Variants in EYA4 observed in about 807,000 individuals in gnomAD.
EYA4 encodes the protein EYA transcriptional coactivator and phosphatase 4.
A neutral mutation model predicts 87.9 loss-of-function variants in EYA4; 31 were observed. That is an observed-to-expected ratio of 0.35 (90% CI 0.27 to 0.48). The LOEUF (loss-of-function observed/expected upper bound fraction) is 0.48. EYA4 is among the 20% of genes least tolerant of loss of function. The pLI, the probability that EYA4 is intolerant of heterozygous loss-of-function variation, is 0.99. For missense variants in EYA4, 678 were observed against 761.4 expected, an observed-to-expected ratio of 0.89 and a Z score of 1.29; for synonymous variants, 263 against 270.6, an observed-to-expected ratio of 0.97 and a Z score of 0.28.
At chr6:133,300,832 T>C (rs1221308906) in intron 2 of EYA4, among the ~76,000 whole-genome samples, 1 of 152,218 alleles carries the variant, frequency 6.6e-6, no homozygotes, top group Non-Finnish European at 1.5e-5. Flanking sequence ...AATGGAGGAA[T>C]ATTATGAGAC....
chr6:133,242,894 G>A (rs188801826), intron 1 of EYA4, among the ~76,000 whole-genome samples: 14 of 152,230 alleles, frequency 9.2e-5, no homozygotes, highest in East Asian at 5.8e-4. Context: ...CGGGAGAGTG[G>A]TGTGGAGACT....
At chr6:133,463,553 G>A (rs540648011) in intron 9 of EYA4, among the ~76,000 whole-genome samples, 3 of 151,776 alleles carry the variant, frequency 2.0e-5, no homozygotes, top group African/African-American at 7.3e-5. Flanking sequence ...TAGTGACGGG[G>A]TTTCACCATG....
At chr6:133,442,952 T>A (rs1792452960) in intron 3 of EYA4, among the ~76,000 whole-genome samples, 1 of 152,118 alleles carries the variant, frequency 6.6e-6, no homozygotes, top group South Asian at 2.1e-4. Flanking sequence ...ACATGTGAAA[T>A]CAGCTTTACA....
intron 1 of EYA4, among the ~76,000 whole-genome samples, chr6:133,271,870 C>T (rs1371055889): frequency 6.6e-6 from 1 of 152,186 alleles, no homozygotes; most frequent in African/African-American, 2.4e-5. Flanking sequence ...GCTGAAGTAA[C>T]CCATTTGTGA....
At chr6:133,504,785 C>T (rs916824700) in intron 13 of EYA4, among the ~76,000 whole-genome samples, 1 of 152,064 alleles carries the variant, frequency 6.6e-6, no homozygotes, top group African/African-American at 2.4e-5. Flanking sequence ...TAGATGAATA[C>T]TGCTTGGCCT....
intron 2 of EYA4, among the ~76,000 whole-genome samples, chr6:133,354,783 GAT>G (rs529622769): frequency 7.8e-4 from 119 of 152,264 alleles, no homozygotes; most frequent in African/African-American, 2.5e-3. Flanking sequence ...CAGGGAAAAA[GAT>G]AAAAATGTGG....
intron 2 of EYA4, among the ~76,000 whole-genome samples, chr6:133,349,701 G>C (rs1436371317): frequency 2.6e-5 from 4 of 151,676 alleles, no homozygotes; most frequent in South Asian, 4.1e-4. Flanking sequence ...TAAACCACAG[G>C]GTTAACCCCT....
At chr6:133,370,214 A>G (rs1785163763) in intron 2 of EYA4, among the ~76,000 whole-genome samples, 1 of 152,200 alleles carries the variant, frequency 6.6e-6, no homozygotes, top group South Asian at 2.1e-4. Context: ...TGAACTTCAC[A>G]CACACGCACT....
intron 19 of EYA4, among the ~76,000 whole-genome samples, chr6:133,525,505 T>G (rs1583568949): frequency 1.3e-5 from 2 of 152,170 alleles, no homozygotes; most frequent in African/African-American, 4.8e-5. Context: ...TATATACATA[T>G]AGTAAATATA....
At chr6:133,286,211 A>G (rs1248951379) in intron 2 of EYA4, among the ~76,000 whole-genome samples, 3 of 152,182 alleles carry the variant, frequency 2.0e-5, no homozygotes. Flanking sequence ...CTGGATTGCT[A>G]GTGCACTGCA....
intron 3 of EYA4, among the ~76,000 whole-genome samples, chr6:133,387,112 GT>G (rs1309773917): frequency 1.3e-5 from 2 of 152,194 alleles, no homozygotes; most frequent in Non-Finnish European, 2.9e-5. Context: ...GCCTCAGGGA[GT>G]TTATCTATTC....
chr6:133,276,471 A>G (rs1169086001), intron 2 of EYA4, among the ~76,000 whole-genome samples: 1 of 152,226 alleles, frequency 6.6e-6, no homozygotes, highest in Non-Finnish European at 1.5e-5. Context: ...ATGTGTTACT[A>G]AAGATGCGTC....
intron 19 of EYA4, among the ~76,000 whole-genome samples, chr6:133,526,292 TAGAA>T (rs1168888496): frequency 6.6e-6 from 1 of 152,190 alleles, no homozygotes; most frequent in Non-Finnish European, 1.5e-5. Context: ...CTGTTTTACA[TAGAA>T]AGAATGTCAT....
intron 2 of EYA4, among the ~76,000 whole-genome samples, chr6:133,378,152 A>T (rs1785866357): frequency 6.6e-6 from 1 of 152,040 alleles, no homozygotes; most frequent in South Asian, 2.1e-4. Context: ...GTGAGATTTT[A>T]AAAAGAAAGG....
chr6:133,432,962 C>G (rs1371560137), intron 3 of EYA4, among the ~76,000 whole-genome samples: 1 of 152,106 alleles, frequency 6.6e-6, no homozygotes, highest in Non-Finnish European at 1.5e-5. Flanking sequence ...TCTACACACA[C>G]CCATTAACTT....
At chr6:133,444,490 A>G (rs997115314) in intron 3 of EYA4, among the ~76,000 whole-genome samples, 1 of 152,158 alleles carries the variant, frequency 6.6e-6, no homozygotes, top group Non-Finnish European at 1.5e-5. Flanking sequence ...TGCTGTCAGT[A>G]TTAGTTCCTT....
chr6:133,264,153 C>T (rs1007642693), intron 1 of EYA4, among the ~76,000 whole-genome samples: 1 of 152,060 alleles, frequency 6.6e-6, no homozygotes, highest in Non-Finnish European at 1.5e-5. Flanking sequence ...GAGAGAATGG[C>T]GAGAACAATG....
At chr6:133,279,890 T>C (rs764530540) in intron 2 of EYA4, among the ~76,000 whole-genome samples, 2 of 152,180 alleles carry the variant, frequency 1.3e-5, no homozygotes, top group Non-Finnish European at 2.9e-5. Context: ...TGACAGTGTT[T>C]AAACAGTATG....
rs146582200 is a variant in EYA4, at chr6:133,291,282, A to G, written c.33+16469A>G. ...TAAAATATTTATTCAACAAAGATTT[A>G]AAAGCATTTTACAGTTATTTCCAAA... On this transcript the variant is annotated intron_variant, in intron 2 of 19. Transcript: ENST00000355286. Among the ~76,000 whole-genome samples the G allele has an allele frequency of 3.8e-3, 581 of 152,322 alleles. 4 individuals carry two copies. The highest frequency in any genetic ancestry group is 0.013 in the African/African-American group (541 of 41,574).
Sources: allele counts gnomAD v4.1 joint callset (sites outside exome capture counted in the v4.1 genomes callset), GRCh38; gene constraint gnomAD v4.1.1; transcripts MANE v1.5; gene names NCBI Gene and HGNC (gene_info 2026-07-23, HGNC 2026-07-21).